The following UST variants were observed in gnomAD, a reference collection of about 807,000 sequenced individuals.
UST encodes uronyl 2-sulfotransferase.
A neutral mutation model predicts 45.6 loss-of-function variants in UST; 21 were observed. The observed-to-expected ratio is 0.46, with a 90% CI of 0.33 to 0.66. UST has a LOEUF of 0.66. UST is among the 30% of genes least tolerant of loss of function. UST has a pLI of 0.02. For missense variants in UST, 463 were observed against 512.4 expected (o/e 0.90, Z 0.93); for synonymous variants, 215 against 200.6 (o/e 1.07, Z -0.61).
At chr6:148,963,617 A>C (rs781383786) in intron 4 of UST, among the ~76,000 whole-genome samples, 7 of 152,118 alleles carry the variant, frequency 4.6e-5, no homozygotes, top group Non-Finnish European at 8.8e-5. Flanking sequence ...AATTATGTTG[A>C]ATTTTGTTTC....
At chr6:148,870,103 T>TTC (rs199893950) in intron 1 of UST, among the ~76,000 whole-genome samples, 1,357 of 63,436 alleles carry the variant, frequency 0.021, 9 homozygotes, top group Admixed American at 0.044. Context: ...GTGGTAATGT[T>TTC]TCACACACAC....
intron 7 of UST, chr6:149,066,185 C>T (rs1459517114): frequency 6.6e-6 from 1 of 151,298 alleles, no homozygotes; most frequent in Non-Finnish European, 1.5e-5. Context: ...CTGTGAGGCG[C>T]CCTCTGAGCT....
chr6:148,879,929 C>CTTTTCTTTTTTCT (rs147898466), intron 1 of UST, among the ~76,000 whole-genome samples: 32,093 of 136,650 alleles, frequency 0.23, 4,109 homozygotes, highest in South Asian at 0.42. Context: ...AGATATCTGA[C>CTTTTCTTTTTTCT]TTTTCTTTTT....
chr6:148,808,109 G>T (rs1344502745), intron 1 of UST, among the ~76,000 whole-genome samples: 1 of 152,194 alleles, frequency 6.6e-6, no homozygotes, highest in Non-Finnish European at 1.5e-5. Flanking sequence ...GCACCCTTGT[G>T]CTGGAGTTTC....
intron 1 of UST, among the ~76,000 whole-genome samples, chr6:148,801,063 C>T (rs2114717095): frequency 6.6e-6 from 1 of 152,244 alleles, no homozygotes; most frequent in Middle Eastern, 3.4e-3. Context: ...GCAACTCCAT[C>T]AGTGAGGTTG....
In UST at chr6:148,965,297, C is replaced by T. The variant is rs556942318; in HGVS notation, c.681+734C>T. Among the ~76,000 whole-genome samples the T allele has an allele frequency of 3.9e-5, 6 of 152,302 alleles. No homozygotes were observed. In the South Asian group the frequency reaches 1.2e-3, roughly 32 times the overall value. ...CTAGAACGAAAGGTACATTTCCCAT[C>T]CCTGTGTTGAGAAACATGTACTGAG... On this transcript the variant is annotated intron_variant, in intron 5 of 7. Coordinates refer to ENST00000367463, the MANE Select transcript of UST (RefSeq NM_005715.3).
chr6:148,904,911 C>T (rs1779327150), intron 2 of UST, among the ~76,000 whole-genome samples: 1 of 152,182 alleles, frequency 6.6e-6, no homozygotes. Context: ...GAAGCCTCCA[C>T]CTCCTGCAGC....
intron 1 of UST, among the ~76,000 whole-genome samples, chr6:148,856,869 G>GA (rs1778214778): frequency 6.6e-6 from 1 of 151,718 alleles, no homozygotes; most frequent in Non-Finnish European, 1.5e-5. Flanking sequence ...TTTTGAGGAG[G>GA]AAAATCAGAG....
At chr6:149,051,520 G>A (rs141601235) in intron 7 of UST, among the ~76,000 whole-genome samples, 7 of 152,332 alleles carry the variant, frequency 4.6e-5, no homozygotes, top group Middle Eastern at 3.4e-3. Context: ...GATCTTAAGT[G>A]GATCCTCTGT....
chr6:149,050,502 T>G (rs912685807), intron 7 of UST, among the ~76,000 whole-genome samples: 1 of 152,252 alleles, frequency 6.6e-6, no homozygotes, highest in Non-Finnish European at 1.5e-5. Context: ...CTCCCTCCCA[T>G]TACATACCAC....
intron 2 of UST, among the ~76,000 whole-genome samples, chr6:148,931,213 T>A (rs1429858323): frequency 6.6e-6 from 1 of 152,262 alleles, no homozygotes; most frequent in Non-Finnish European, 1.5e-5. Context: ...ATACTTCTCC[T>A]CTATTTGTAT....
intron 5 of UST, among the ~76,000 whole-genome samples, chr6:148,973,333 G>C (rs544233145): frequency 1.3e-4 from 20 of 152,324 alleles, no homozygotes; most frequent in African/African-American, 3.4e-4. Context: ...TGAGCACTTT[G>C]ATGAATAAAA....
intron 5 of UST, among the ~76,000 whole-genome samples, chr6:149,010,282 G>A (rs1775783691): frequency 6.6e-6 from 1 of 152,086 alleles, no homozygotes; most frequent in South Asian, 2.1e-4. Context: ...TTTTTATTTG[G>A]TTAGGCTCCA....
intron 5 of UST, among the ~76,000 whole-genome samples, chr6:148,998,019 G>C (rs548907117): frequency 6.6e-6 from 1 of 152,138 alleles, no homozygotes; most frequent in Non-Finnish European, 1.5e-5. Context: ...TTTGTTTTGC[G>C]TTCTTAAGCC....
chr6:149,044,776 A>G (rs1776374921), intron 7 of UST, among the ~76,000 whole-genome samples: 1 of 152,224 alleles, frequency 6.6e-6, no homozygotes, highest in Admixed American at 6.5e-5. Context: ...AAGTTTGCTT[A>G]ATAATGTGCT....
At chr6:148,783,097 C>T (rs1776673627) in intron 1 of UST, among the ~76,000 whole-genome samples, 3 of 152,192 alleles carry the variant, frequency 2.0e-5, no homozygotes, top group African/African-American at 4.8e-5. Flanking sequence ...TCACCAACAT[C>T]GAGACAAGAC....
intron 5 of UST, chr6:149,005,348 G>A (rs1359193100): frequency 2.0e-6 from 2 of 985,304 alleles, no homozygotes; most frequent in East Asian, 1.1e-4. Flanking sequence ...TGGCTGTAGA[G>A]GAAAGAAGAC....
intron 5 of UST, among the ~76,000 whole-genome samples, chr6:149,015,030 G>C (rs1010896207): frequency 1.3e-5 from 2 of 152,018 alleles, no homozygotes; most frequent in Non-Finnish European, 1.5e-5. Flanking sequence ...GGGTGAAGAG[G>C]GGGTGTGGGA....
chr6:148,836,495 C>A (rs1256131609), intron 1 of UST, among the ~76,000 whole-genome samples: 1 of 152,158 alleles, frequency 6.6e-6, no homozygotes, highest in Non-Finnish European at 1.5e-5. Context: ...CTGATTCCAG[C>A]GTTCAGGCAC....
Sources: allele counts gnomAD v4.1 joint callset (sites outside exome capture counted in the v4.1 genomes callset), GRCh38; gene constraint gnomAD v4.1.1; transcripts MANE v1.5; gene names NCBI Gene and HGNC (gene_info 2026-07-23, HGNC 2026-07-21).